DNAH14: variants seen among roughly 807,000 people sequenced by gnomAD.
DNAH14 encodes dynein axonemal heavy chain 14.
A neutral mutation model predicts 520.9 loss-of-function variants in DNAH14; 478 were observed. That is an observed-to-expected ratio of 0.92 (90% CI 0.85 to 0.99). DNAH14 has a LOEUF of 0.99. DNAH14 is among the 50% of genes least tolerant of loss of function. DNAH14 has a pLI of 0.00. For missense variants in DNAH14, 4,831 were observed against 5,234.5 expected (o/e 0.92, Z 2.38); for synonymous variants, 1,581 against 1,757.2 (o/e 0.90, Z 2.51).
intron 64 of DNAH14, among the ~76,000 whole-genome samples, chr1:225,328,387 C>T (rs911201766): frequency 2.7e-4 from 41 of 152,130 alleles, no homozygotes; most frequent in African/African-American, 9.7e-4. Flanking sequence ...ACATTACCTT[C>T]CATCTCTCAA....
intron 54 of DNAH14, among the ~76,000 whole-genome samples, chr1:225,282,583 G>T (rs2093650533): frequency 6.6e-6 from 1 of 152,148 alleles, no homozygotes; most frequent in Non-Finnish European, 1.5e-5. Context: ...ATCAATACAG[G>T]GTGCATGATC....
chr1:225,346,658 A>G lies in DNAH14; in HGVS notation c.11296+4A>G. On this transcript the variant is annotated splice_donor_region_variant and intron_variant, in intron 71 of 85. Coordinates refer to ENST00000682510, the MANE Select transcript of DNAH14 (RefSeq NM_001367479.1). The stretch of plus-strand genomic sequence containing the variant: ...TTATCCCAGTCTAGACTTACTAGTA[A>G]GTAAAAGTTACTATTCCGGATTCAG... 2.0e-6 allele frequency: 3 copies of G among 1,531,844 alleles called. No individual in the cohort carries two copies. Among genetic ancestry groups the G allele is most frequent in the Non-Finnish European group, 2.6e-6 (3 of 1,136,894 alleles). 94.9% of individuals were successfully genotyped at this position (1,531,844 alleles called of 1,614,324 possible).
intron 44 of DNAH14, among the ~76,000 whole-genome samples, chr1:225,253,196 GC>G (rs2092617562): frequency 3.3e-5 from 5 of 152,196 alleles, no homozygotes; most frequent in Admixed American, 3.3e-4. Context: ...ATATTAGCGG[GC>G]AATCATATTT....
In DNAH14 at chr1:225,343,422, C is replaced by A. The variant is rs1486617395; in HGVS notation, c.10679-2540C>A. ...TAAGTAGGGAAAGTAGTGGGGAGGG[C>A]ATGCCTTTCCTCCTAGGATCCTCCT... On this transcript the variant is annotated intron_variant, in intron 69 of 85. Coordinates refer to ENST00000682510, the MANE Select transcript of DNAH14 (RefSeq NM_001367479.1). 7.2e-5 allele frequency among the ~76,000 whole-genome samples: 11 copies of A among 152,120 alleles called. No homozygotes were observed. The East Asian group carries it at 1.9e-3, about 27-fold the overall frequency.
At chr1:225,101,833 T>C (rs1479832439) in intron 23 of DNAH14, among the ~76,000 whole-genome samples, 2 of 152,158 alleles carry the variant, frequency 1.3e-5, no homozygotes, top group African/African-American at 4.8e-5. Flanking sequence ...AGTGCAGATA[T>C]GTCTTCAGTA....
At chr1:225,204,112 G>T in intron 38 of DNAH14, 71 bp from the exon 39 acceptor site, 1 of 761,238 alleles carries the variant, frequency 1.3e-6, no homozygotes, top group South Asian at 2.6e-5. Context: ...AAAGCATATT[G>T]ACATATAATC....
At position 225,119,212 on chromosome 1, in the gene DNAH14, A is replaced by G; in HGVS notation, c.4092-8A>G. The G allele has an allele frequency of 6.6e-7, 1 of 1,514,754 alleles. No homozygotes were observed. The highest frequency in any genetic ancestry group is 8.8e-7 in the Non-Finnish European group (1 of 1,129,964). 93.8% of individuals were successfully genotyped at this position (1,514,754 alleles called of 1,614,324 possible). On this transcript the variant is annotated splice_region_variant and splice_polypyrimidine_tract_variant and intron_variant, in intron 25 of 85. Transcript: ENST00000682510. ...TCTTCATGATATTATTTTTGAAACTAATTTTAGGAAAATTCGTGTAAGAAG... is the reference window on the plus strand; with the variant it reads ...TCTTCATGATATTATTTTTGAAACTGATTTTAGGAAAATTCGTGTAAGAAG...
intron 41 of DNAH14, among the ~76,000 whole-genome samples, chr1:225,219,013 C>T (rs892147224): frequency 6.6e-6 from 1 of 151,494 alleles, no homozygotes; most frequent in Non-Finnish European, 1.5e-5. Context: ...CTCAAAACCA[C>T]ACAACTACAT....
intron 17 of DNAH14, among the ~76,000 whole-genome samples, chr1:225,060,545 G>A (rs547120228): frequency 2.5e-4 from 38 of 152,192 alleles, no homozygotes; most frequent in African/African-American, 6.5e-4. Flanking sequence ...AGCTTTGTTC[G>A]GTTGCTGGTG....
intron 17 of DNAH14, among the ~76,000 whole-genome samples, chr1:225,074,843 A>C (rs2072047678): frequency 6.6e-6 from 1 of 152,204 alleles, no homozygotes; most frequent in Admixed American, 6.5e-5. Context: ...TCTCAGGTGC[A>C]ACACTGCTAC....
At chr1:225,088,737 A>G (rs2074052583) in intron 21 of DNAH14, among the ~76,000 whole-genome samples, 1 of 152,220 alleles carries the variant, frequency 6.6e-6, no homozygotes, top group South Asian at 2.1e-4. Context: ...TAGACAAATG[A>G]CCAATACTAG....
At position 224,950,101 on chromosome 1, in the gene DNAH14, CTTGCACTA is replaced by C. The variant is rs1434508503; in HGVS notation, c.-33-2566_-33-2559del. On this transcript the variant is annotated intron_variant, in intron 1 of 85. Transcript: ENST00000682510. ...CTCCCATCTTGATTTTTTTTTAGTA[CTTGCACTA>C]TTACTTCAATACTCATATTTAGATT... Among the ~76,000 whole-genome samples the C allele has an allele frequency of 2.0e-5, 3 of 151,810 alleles. No individual in the cohort carries two copies. In the East Asian group the frequency reaches 5.8e-4, roughly 29 times the overall value.
chr1:225,039,901 A>G (rs1286978209), intron 12 of DNAH14, among the ~76,000 whole-genome samples: 1 of 134,752 alleles, frequency 7.4e-6, no homozygotes, highest in East Asian at 2.3e-4. Context: ...AAAAAAAAAA[A>G]GTAGCCTTGT....
intron 43 of DNAH14, among the ~76,000 whole-genome samples, chr1:225,241,583 G>C (rs2091969745): frequency 6.6e-6 from 1 of 152,078 alleles, no homozygotes. Flanking sequence ...CACAAATCTA[G>C]ATAGTGTAGC....
intron 34 of DNAH14, among the ~76,000 whole-genome samples, chr1:225,156,706 A>ATTT (rs1553483258): frequency 5.6e-5 from 6 of 106,758 alleles, no homozygotes; most frequent in East Asian, 4.1e-4. Flanking sequence ...TCCTCTTAAA[A>ATTT]TTCTTTTTTT....
At chr1:225,217,543 G>T (rs771385398) in intron 41 of DNAH14, among the ~76,000 whole-genome samples, 3 of 152,252 alleles carry the variant, frequency 2.0e-5, no homozygotes, top group Non-Finnish European at 4.4e-5. Context: ...GCTGCGGTGG[G>T]CTCCACCCAA....
intron 22 of DNAH14, 141 bp from the exon 23 acceptor site, chr1:225,100,572 G>C: frequency 1.5e-6 from 1 of 687,908 alleles, no homozygotes; most frequent in East Asian, 3.0e-5. Context: ...CACTTAAAAA[G>C]TATCTTTGAT....
chr1:225,161,534 G>A (rs1242559798), intron 35 of DNAH14, among the ~76,000 whole-genome samples: 1 of 152,206 alleles, frequency 6.6e-6, no homozygotes, highest in African/African-American at 2.4e-5. Flanking sequence ...CCAGCAGTAG[G>A]ATTGCTGGAT....
chr1:225,335,979 G>A (rs1237401), intron 66 of DNAH14, among the ~76,000 whole-genome samples: 87,952 of 139,720 alleles, frequency 0.63, 28,546 homozygotes, highest in East Asian at 0.78. Context: ...ATGTACATAT[G>A]TGTATATACA....
Sources: allele counts gnomAD v4.1 joint callset (sites outside exome capture counted in the v4.1 genomes callset), GRCh38; gene constraint gnomAD v4.1.1; transcripts MANE v1.5; gene names NCBI Gene and HGNC (gene_info 2026-07-23, HGNC 2026-07-21).